The following CTDSPL2 variants were observed in gnomAD, a reference collection of about 807,000 sequenced individuals.
CTDSPL2 encodes the protein CTD small phosphatase-like protein 2.
In CTDSPL2, 5 loss-of-function variants were observed where a neutral mutation model predicts 60.0. The observed-to-expected ratio is 0.08, with a 90% CI of 0.04 to 0.18. The LOEUF (loss-of-function observed/expected upper bound fraction) is 0.18. Among genes scored for constraint, CTDSPL2 ranks in the 10% least tolerant of loss-of-function variants. The pLI is 1.00. For synonymous variants in CTDSPL2, 186 were observed against 189.3 expected (o/e 0.98, Z 0.14); for missense variants, 370 against 548.8 (o/e 0.67, Z 3.26).
At chr15:44,493,982 A>G (rs555766526) in intron 5 of CTDSPL2, among the ~76,000 whole-genome samples, 5 of 152,302 alleles carry the variant, frequency 3.3e-5, no homozygotes, top group African/African-American at 1.2e-4. Context: ...CTCTGTCTCA[A>G]AAGGTGTTAA....
intron 1 of CTDSPL2, chr15:44,447,821 T>A (rs1213441358): frequency 1.3e-5 from 2 of 153,700 alleles, no homozygotes; most frequent in Non-Finnish European, 1.4e-5. Context: ...GAGCATGGCC[T>A]CCAGCCTCAC....
At position 44,521,284 on chromosome 15, in the gene CTDSPL2, G is replaced by A. The variant is rs1296563005; in HGVS notation, c.1240-27G>A. 7.4e-6 allele frequency: 8 copies of A among 1,083,874 alleles called. No individual in the cohort carries two copies. The East Asian group carries it at 1.7e-4, about 23-fold the overall frequency. 67.1% of individuals were successfully genotyped at this position (1,083,874 alleles called of 1,614,324 possible). A position where few individuals can be genotyped will look rare whatever the true frequency, so the allele number is the denominator to read the frequency against. ...ACTAGGTAAAATATAAGTAAAAGAG[G>A]ATTTAATTACTTATTTATTGTTTTA... On this transcript the variant is annotated intron_variant, in intron 11 of 12. Transcript: ENST00000260327.
intron 8 of CTDSPL2, among the ~76,000 whole-genome samples, chr15:44,509,928 A>AAT (rs147360753): frequency 0.031 from 4,597 of 150,200 alleles, 237 homozygotes; most frequent in African/African-American, 0.1. Flanking sequence ...TCCATTTAAA[A>AAT]ATATATATAT....
chr15:44,458,984 C>G lies in CTDSPL2; in HGVS notation c.-24-7C>G, dbSNP rs1460285215. 6.8e-7 allele frequency: 1 copy of G among 1,461,704 alleles called. No homozygotes were observed. Among genetic ancestry groups the G allele is most frequent in the Admixed American group, 2.5e-5 (1 of 40,588 alleles). The allele number at this position is 1,461,704 out of a possible 1,614,324, so 90.5% of individuals were successfully genotyped here. A position where few individuals can be genotyped will look rare whatever the true frequency, so the allele number is the denominator to read the frequency against. On this transcript the variant is annotated splice_polypyrimidine_tract_variant and splice_region_variant and intron_variant, in intron 1 of 12. Coordinates refer to ENST00000260327, the MANE Select transcript of CTDSPL2 (RefSeq NM_016396.3). ...TTTTTATTACATTTATTATTTTTCT[C>G]TTTTAGTTTTACATGTGGCACCCAT...
chr15:44,468,214 C>T (rs1368321542), intron 2 of CTDSPL2, among the ~76,000 whole-genome samples: 1 of 152,042 alleles, frequency 6.6e-6, no homozygotes, highest in Non-Finnish European at 1.5e-5. Context: ...GTATCTTTTA[C>T]TGTAATTTAG....
intron 5 of CTDSPL2, among the ~76,000 whole-genome samples, chr15:44,495,978 A>G (rs2081293128): frequency 6.6e-6 from 1 of 152,162 alleles, no homozygotes; most frequent in Non-Finnish European, 1.5e-5. Flanking sequence ...TTGTCAGCAT[A>G]CATTTACTGA....
At chr15:44,510,588 AC>A (rs1332852627) in intron 8 of CTDSPL2, among the ~76,000 whole-genome samples, 1 of 152,194 alleles carries the variant, frequency 6.6e-6, no homozygotes, top group Non-Finnish European at 1.5e-5. Context: ...TTGGGAGATT[AC>A]ATAATTTTGA....
rs541273483 is a variant in CTDSPL2, at chr15:44,528,138, T to G, written c.*3964T>G. Reference sequence around the variant, plus strand: ...ATATAACATGATTTGAGATCTTTTTTAAAAAAGGGTGGGGCGGCGGGGGAG... The same window carrying G: ...ATATAACATGATTTGAGATCTTTTTGAAAAAAGGGTGGGGCGGCGGGGGAG... On this transcript the variant is annotated 3_prime_UTR_variant, in exon 13 of 13. Coordinates refer to ENST00000260327, the MANE Select transcript of CTDSPL2 (RefSeq NM_016396.3). 6.6e-6 allele frequency: 1 copy of G among 152,178 alleles called. No homozygotes were observed. The highest frequency in any genetic ancestry group is 2.1e-4 in the South Asian group (1 of 4,816). 9.4% of individuals were successfully genotyped at this position (152,178 alleles called of 1,614,324 possible).
intron 2 of CTDSPL2, among the ~76,000 whole-genome samples, chr15:44,476,655 G>A (rs188533671): frequency 2.0e-5 from 3 of 152,200 alleles, no homozygotes; most frequent in Admixed American, 2.0e-4. Context: ...ATTGCCTACA[G>A]TATTCAGTAT....
intron 2 of CTDSPL2, among the ~76,000 whole-genome samples, chr15:44,465,799 C>T (rs936011791): frequency 1.3e-5 from 2 of 150,874 alleles, no homozygotes; most frequent in Non-Finnish European, 3.0e-5. Flanking sequence ...CTGCAACCTC[C>T]ATCTGCTGGT....
chr15:44,456,761 T>TA (rs2080451521), intron 1 of CTDSPL2, among the ~76,000 whole-genome samples: 1 of 142,560 alleles, frequency 7.0e-6, no homozygotes. Context: ...GCTCTGATCT[T>TA]AGTTACTTCT....
At chr15:44,517,716 C>T (rs530441867) in intron 10 of CTDSPL2, among the ~76,000 whole-genome samples, 3 of 152,318 alleles carry the variant, frequency 2.0e-5, no homozygotes, top group African/African-American at 4.8e-5. Flanking sequence ...CAGTTGTCTC[C>T]TGTCTCAATG....
chr15:44,477,825 C>T (rs1040732271), intron 2 of CTDSPL2, among the ~76,000 whole-genome samples: 6 of 150,526 alleles, frequency 4.0e-5, no homozygotes, highest in East Asian at 1.9e-4. Flanking sequence ...GCAGCAAGAG[C>T]GAAACGTAGT....
At chr15:44,499,595 T>C (rs1045832405) in intron 7 of CTDSPL2, 132 bp from the exon 8 acceptor site, 19 of 502,752 alleles carry the variant, frequency 3.8e-5, no homozygotes, top group African/African-American at 5.9e-5. Context: ...GTGCCACATA[T>C]AGTAATATAT....
intron 1 of CTDSPL2, among the ~76,000 whole-genome samples, chr15:44,440,714 GTTGTAATTTA>G (rs367666465): frequency 1.4e-4 from 22 of 151,854 alleles, no homozygotes; most frequent in African/African-American, 5.1e-4. Context: ...GCCTCTTGAG[GTTGTAATTTA>G]TTCCTTTTTT....
rs564821397 is a variant in CTDSPL2 at position 44,497,491 on chromosome 15, G to A, written c.882+353G>A. Among the ~76,000 whole-genome samples the A allele has an allele frequency of 4.7e-4, 71 of 152,026 alleles. 1 individual carries two copies. Among genetic ancestry groups the A allele is most frequent in the African/African-American group, 1.4e-3 (57 of 41,464 alleles). On this transcript the variant is annotated intron_variant, in intron 7 of 12. Transcript: ENST00000260327. ...CACAATTCTCCTGCCTCAGCCTCCC[G>A]AGTAGCTGGGACTACAGGCGCCTGC... is the stretch of plus-strand genomic sequence containing the variant.
Position 44,525,507 on chromosome 15 carries a change from A to G in CTDSPL2, c.*1333A>G. ...CTGCATTAACATGCCACAGGCTCAG[A>G]CTGTTTTTGTGTAAAGGATGTCAAA... is the stretch of plus-strand genomic sequence containing the variant. On this transcript the variant is annotated 3_prime_UTR_variant, in exon 13 of 13. Transcript: ENST00000260327. 2.5e-6 allele frequency: 1 copy of G among 398,858 alleles called. No individual in the cohort carries two copies. Among genetic ancestry groups the G allele is most frequent in the African/African-American group, 2.1e-5 (1 of 48,732 alleles). The allele number at this position is 398,858 out of a possible 1,614,324, so 24.7% of individuals were successfully genotyped here. A position where few individuals can be genotyped will look rare whatever the true frequency, so the allele number is the denominator to read the frequency against.
intron 2 of CTDSPL2, among the ~76,000 whole-genome samples, chr15:44,474,600 A>G (rs1174209627): frequency 6.6e-6 from 1 of 152,202 alleles, no homozygotes; most frequent in African/African-American, 2.4e-5. Context: ...TCACGCCTGT[A>G]ATTCCAGCAC....
intron 5 of CTDSPL2, among the ~76,000 whole-genome samples, chr15:44,491,672 TTTTG>T (rs1424889003): frequency 2.0e-5 from 3 of 152,120 alleles, no homozygotes; most frequent in East Asian, 1.9e-4. Flanking sequence ...CTTAAATTTG[TTTTG>T]TTTGTTTGTG....
Sources: gnomAD v4.1 joint callset for allele counts (sites outside exome capture counted in the v4.1 genomes callset) on GRCh38, gnomAD v4.1.1 for gene constraint, MANE v1.5 for transcripts, NCBI Gene and HGNC (gene_info 2026-07-23, HGNC 2026-07-21) for gene names.